DENND4C: variants seen among roughly 807,000 people sequenced by gnomAD.
DENND4C encodes the protein DENN domain containing 4C, also known as DENN domain-containing protein 4C.
In DENND4C, 108 loss-of-function variants were observed where a neutral mutation model predicts 203.0. The ratio of observed to expected loss-of-function variants is 0.53; its 90% CI spans 0.46 to 0.62. DENND4C has a LOEUF of 0.62. Ranked by LOEUF, DENND4C falls within the 20% of genes least tolerant of loss-of-function variation. The pLI, the probability that DENND4C is intolerant of heterozygous loss-of-function variation, is 0.00. For synonymous variants in DENND4C, 871 were observed against 792.4 expected (o/e 1.10, Z -1.67); for missense variants, 2,481 against 2,301.2 (o/e 1.08, Z -1.60).
chr9:19,337,258 A>G (rs1055690380), intron 20 of DENND4C, among the ~76,000 whole-genome samples: 7 of 152,214 alleles, frequency 4.6e-5, no homozygotes, highest in African/African-American at 1.7e-4. Flanking sequence ...TTTAAGTTAC[A>G]TTTTTTAAGA....
At chr9:19,369,735 C>G (rs1264636709) in intron 30 of DENND4C, 102 bp from the exon 31 acceptor site, 3 of 726,846 alleles carry the variant, frequency 4.1e-6, no homozygotes, top group Non-Finnish European at 5.5e-6. Context: ...TCACTGCACT[C>G]CAGCCTGGGT....
intron 9 of DENND4C, among the ~76,000 whole-genome samples, chr9:19,303,413 C>T (rs1482229675): frequency 6.6e-6 from 1 of 152,120 alleles, no homozygotes; most frequent in Non-Finnish European, 1.5e-5. Flanking sequence ...GAACACAGGC[C>T]ATTTATTCAT....
intron 10 of DENND4C, among the ~76,000 whole-genome samples, chr9:19,315,155 CAA>C (rs10623955): frequency 8.4e-5 from 10 of 119,474 alleles, no homozygotes; most frequent in African/African-American, 9.8e-5. Flanking sequence ...GACTCCGTCT[CAA>C]AAAAAAAAAA....
intron 7 of DENND4C, 145 bp downstream of exon 7, chr9:19,298,267 T>TGA: frequency 1.6e-6 from 1 of 628,188 alleles, no homozygotes; most frequent in South Asian, 2.8e-5. Flanking sequence ...GTAGCTTTAC[T>TGA]GAACACCCTT....
At chr9:19,351,623 A>G (rs550767679) in intron 24 of DENND4C, among the ~76,000 whole-genome samples, 10 of 152,228 alleles carry the variant, frequency 6.6e-5, no homozygotes, top group African/African-American at 2.4e-4. Flanking sequence ...CCTGGGCAAC[A>G]CAGTGAAACC....
chr9:19,337,830 T>C (rs1302150737), intron 20 of DENND4C, among the ~76,000 whole-genome samples: 1 of 152,222 alleles, frequency 6.6e-6, no homozygotes, highest in East Asian at 1.9e-4. Flanking sequence ...CTTGAAAATA[T>C]CCAGCTAACT....
At chr9:19,272,007 G>A (rs749290470) in intron 1 of DENND4C, among the ~76,000 whole-genome samples, 47 of 152,194 alleles carry the variant, frequency 3.1e-4, no homozygotes, top group Non-Finnish European at 5.6e-4. Context: ...TAGATCAATG[G>A]AACAGAATAA....
chr9:19,299,596 C>A (rs1215880136), intron 8 of DENND4C, among the ~76,000 whole-genome samples: 1 of 152,110 alleles, frequency 6.6e-6, no homozygotes, highest in African/African-American at 2.4e-5. Context: ...CTGATTTTAA[C>A]CTTTTAAATG....
intron 1 of DENND4C, among the ~76,000 whole-genome samples, chr9:19,234,968 T>C (rs1821559988): frequency 6.6e-6 from 1 of 151,954 alleles, no homozygotes; most frequent in Admixed American, 6.6e-5. Context: ...TTTTTTTCTT[T>C]CTTTTTTTAT....
rs182480284 is a variant in DENND4C, at chr9:19,289,455, A to G, written c.628+790A>G. Among the ~76,000 whole-genome samples the G allele has an allele frequency of 2.4e-4, 36 of 152,336 alleles. No homozygotes were observed. The East Asian group carries it at 3.7e-3, about 15-fold the overall frequency. On this transcript the variant is annotated intron_variant, in intron 4 of 32. Transcript: ENST00000434457. ...TCGTGATTTTCATAAAAACATTCAT[A>G]CTAATGAACCAAACCATTTAATTTA... is the stretch of plus-strand genomic sequence containing the variant.
intron 1 of DENND4C, among the ~76,000 whole-genome samples, chr9:19,272,518 A>T (rs568361088): frequency 6.6e-6 from 1 of 152,078 alleles, no homozygotes; most frequent in Non-Finnish European, 1.5e-5. Context: ...CGGCCTCCCA[A>T]AGTGCTGGGA....
At chr9:19,261,879 T>G (rs1406783017) in intron 1 of DENND4C, among the ~76,000 whole-genome samples, 2 of 151,902 alleles carry the variant, frequency 1.3e-5, no homozygotes, top group African/African-American at 4.8e-5. Flanking sequence ...TAGCAATTTT[T>G]TACTTCTTTG....
At chr9:19,271,090 C>A (rs576733002) in intron 1 of DENND4C, among the ~76,000 whole-genome samples, 1 of 151,692 alleles carries the variant, frequency 6.6e-6, no homozygotes, top group East Asian at 1.9e-4. Flanking sequence ...TAAGTAAATG[C>A]AGAGATTAAC....
At chr9:19,307,917 A>T (rs971311179) in intron 10 of DENND4C, among the ~76,000 whole-genome samples, 4 of 151,952 alleles carry the variant, frequency 2.6e-5, no homozygotes, top group Non-Finnish European at 5.9e-5. Flanking sequence ...ATCATCTTAG[A>T]TTTGGAGTTT....
intron 30 of DENND4C, among the ~76,000 whole-genome samples, chr9:19,368,233 G>A (rs1454076158): frequency 2.1e-5 from 3 of 143,860 alleles, no homozygotes; most frequent in African/African-American, 7.7e-5. Context: ...AGTATTTCCT[G>A]TTATCATAAC....
At chr9:19,340,692 A>G (rs1414478369) in intron 20 of DENND4C, among the ~76,000 whole-genome samples, 1 of 152,188 alleles carries the variant, frequency 6.6e-6, no homozygotes, top group Non-Finnish European at 1.5e-5. Context: ...AGAAGTTAGC[A>G]TTCTGTAGAC....
chr9:19,373,865 C>G lies in DENND4C; in HGVS notation c.*1692C>G, dbSNP rs998601833. ...CATTTACAAATTATAGTTATTGTACCAGTCTTTCAACATTTCAGGGTTAAT... is the reference window on the plus strand; with the variant it reads ...CATTTACAAATTATAGTTATTGTACGAGTCTTTCAACATTTCAGGGTTAAT... On this transcript the variant is annotated 3_prime_UTR_variant, in exon 33 of 33. Transcript: ENST00000434457. Among the ~76,000 whole-genome samples, 16 of 152,106 alleles carry G rather than the reference C, an allele frequency of 1.1e-4. No individual in the cohort carries two copies. The highest frequency in any genetic ancestry group is 3.9e-4 in the African/African-American group (16 of 41,428).
chr9:19,235,125 C>T (rs1821609068), intron 1 of DENND4C, among the ~76,000 whole-genome samples: 1 of 151,882 alleles, frequency 6.6e-6, no homozygotes, highest in African/African-American at 2.4e-5. Context: ...CCACCACACC[C>T]AGCTAATTTT....
chr9:19,331,974 C>T lies in DENND4C; in HGVS notation c.2254-4C>T, dbSNP rs773319244. ...AATATCATAATATTTTATTCTCTTT[C>T]TAGGAAATAAAAACAGCTCATAAAT... On this transcript the variant is annotated splice_region_variant and splice_polypyrimidine_tract_variant and intron_variant, in intron 16 of 32. Coordinates refer to ENST00000434457, the MANE Select transcript of DENND4C (RefSeq NM_001330640.2). 4.3e-6 allele frequency: 7 copies of T among 1,609,768 alleles called. No homozygotes were observed. The African/African-American group carries it at 9.4e-5, about 22-fold the overall frequency.
Sources: allele counts gnomAD v4.1 joint callset (sites outside exome capture counted in the v4.1 genomes callset), GRCh38; gene constraint gnomAD v4.1.1; transcripts MANE v1.5; gene names NCBI Gene and HGNC (gene_info 2026-07-23, HGNC 2026-07-21).